PCDHA4: variants seen among roughly 807,000 people sequenced by gnomAD.
The protein encoded by PCDHA4 is protocadherin alpha 4, also known as protocadherin alpha-4.
In PCDHA4, 49 loss-of-function variants were observed where a neutral mutation model predicts 61.4. That is an observed-to-expected ratio of 0.80 (90% CI 0.63 to 1.01). The LOEUF (loss-of-function observed/expected upper bound fraction) is 1.01. PCDHA4 is among the 50% of genes least tolerant of loss of function. The probability of loss-of-function intolerance (pLI) is 0.00; values close to 1 mark genes in which losing one functional copy is unlikely to be tolerated. For synonymous variants in PCDHA4, 590 were observed against 550.3 expected (o/e 1.07, Z -1.01); for missense variants, 1,254 against 1,235.8 (o/e 1.01, Z -0.22).
chr5:140,816,342 A>C (rs1554127037), intron 1 of PCDHA4: 3 of 152,042 alleles, frequency 2.0e-5, no homozygotes, highest in Non-Finnish European at 4.4e-5. Context: ...CAGTTCCAAA[A>C]TTTCTTTTTA....
At chr5:140,934,664 T>C (rs1268113575) in intron 1 of PCDHA4, among the ~76,000 whole-genome samples, 4 of 152,176 alleles carry the variant, frequency 2.6e-5, no homozygotes, top group Non-Finnish European at 5.9e-5. Flanking sequence ...TCTTCCCCTT[T>C]GTTTAGCAGT....
In PCDHA4 at chr5:140,853,855, T is replaced by C. The variant is rs1179807632; in HGVS notation, c.2385+44283T>C. On this transcript the variant is annotated intron_variant, in intron 1 of 3. Transcript: ENST00000530339. The stretch of plus-strand genomic sequence containing the variant: ...GAAATTTTAGATCCATAGCCCTATT[T>C]GATACTTGACAGTGCAAGTTTCTGT... 3.0e-6 allele frequency: 3 copies of C among 985,756 alleles called. No homozygotes were observed. In the African/African-American group the frequency reaches 5.3e-5, roughly 17 times the overall value. 61.1% of individuals were successfully genotyped at this position (985,756 alleles called of 1,614,324 possible). A position where few individuals can be genotyped will look rare whatever the true frequency, so the allele number is the denominator to read the frequency against.
chr5:140,821,910 C>T, intron 1 of PCDHA4: 1 of 1,614,236 alleles, frequency 6.2e-7, no homozygotes, highest in East Asian at 2.2e-5. Context: ...CCTTCGTTGG[C>T]CGCATCGCGC....
At chr5:140,952,242 C>T (rs1469286013) in intron 1 of PCDHA4, among the ~76,000 whole-genome samples, 2 of 151,750 alleles carry the variant, frequency 1.3e-5, no homozygotes, top group African/African-American at 4.8e-5. Context: ...CTGCTTAGAA[C>T]TGCTGGTGGA....
chr5:140,902,548 A>G (rs1554190491), intron 1 of PCDHA4, among the ~76,000 whole-genome samples: 1 of 152,028 alleles, frequency 6.6e-6, no homozygotes, highest in East Asian at 1.9e-4. Flanking sequence ...TTCCTTCTAT[A>G]CCCAGATTTT....
intron 1 of PCDHA4, among the ~76,000 whole-genome samples, chr5:140,916,184 A>C (rs1554197322): frequency 6.6e-6 from 1 of 152,092 alleles, no homozygotes. Context: ...CTCTTCAAGG[A>C]AGTGGGCACC....
At position 140,862,652 on chromosome 5, in the gene PCDHA4, G is replaced by A. The variant is rs904797822; in HGVS notation, c.2385+53080G>A. ...TGCCACGACTTCACAGTGTCCGCGC[G>A]GGACCGGGACGCGCAGGAGAACGTG... is the stretch of plus-strand genomic sequence containing the variant. On this transcript the variant is annotated intron_variant, in intron 1 of 3. Coordinates refer to ENST00000530339, the MANE Select transcript of PCDHA4 (RefSeq NM_018907.4). The A allele has an allele frequency of 1.4e-4, 76 of 544,114 alleles. 1 individual carries two copies. The highest frequency in any genetic ancestry group is 3.8e-5 in the African/African-American group (2 of 52,208). 33.7% of individuals were successfully genotyped at this position (544,114 alleles called of 1,614,324 possible). A position where few individuals can be genotyped will look rare whatever the true frequency, so the allele number is the denominator to read the frequency against.
chr5:140,842,806 G>A (rs2150344901), intron 1 of PCDHA4: 10 of 1,594,218 alleles, frequency 6.3e-6, no homozygotes, highest in South Asian at 3.3e-5. Context: ...ACTCGCTTGT[G>A]GAGCGGCGGG....
At chr5:140,915,840 G>C (rs1554197129) in intron 1 of PCDHA4, among the ~76,000 whole-genome samples, 1 of 152,142 alleles carries the variant, frequency 6.6e-6, no homozygotes, top group African/African-American at 2.4e-5. Context: ...AGATCAGCAG[G>C]GGGTGACACC....
intron 1 of PCDHA4, among the ~76,000 whole-genome samples, chr5:140,901,194 T>A (rs562699930): frequency 2.7e-4 from 41 of 152,236 alleles, no homozygotes; most frequent in Non-Finnish European, 5.1e-4. Flanking sequence ...TGCTTTTCTG[T>A]GCAGAAGGTT....
At chr5:140,877,317 G>T (rs535177109) in intron 1 of PCDHA4, 2 of 1,614,004 alleles carry the variant, frequency 1.2e-6, no homozygotes, top group South Asian at 1.1e-5. Context: ...AACCGGCGGC[G>T]GTCGGCGCGC....
rs2150277487 is a variant in PCDHA4, at chr5:140,837,615, C to CCCTT, written c.2385+28060_2385+28063dup. On this transcript the variant is annotated intron_variant, in intron 1 of 3. Transcript: ENST00000530339. ...CCAATATATATATTTTATAATTTGC[C>CCCTT]CCTTCCTTCCTTCCTTCCTTTCTTT... Among the ~76,000 whole-genome samples the CCCTT allele has an allele frequency of 5.2e-3, 763 of 145,918 alleles. 3 individuals are homozygous for CCCTT. Among genetic ancestry groups the CCCTT allele is most frequent in the South Asian group, 0.011 (50 of 4,612 alleles).
At chr5:140,951,936 C>G (rs2153694375) in intron 1 of PCDHA4, among the ~76,000 whole-genome samples, 1 of 152,278 alleles carries the variant, frequency 6.6e-6, no homozygotes, top group Admixed American at 6.5e-5. Context: ...TCCCAAGATA[C>G]AGTGCGGGTA....
chr5:140,826,325 G>C (rs1455505548), intron 1 of PCDHA4, among the ~76,000 whole-genome samples: 1 of 151,996 alleles, frequency 6.6e-6, no homozygotes, highest in African/African-American at 2.4e-5. Context: ...GATTGTTTTT[G>C]GTTAAGAAAT....
At chr5:140,878,550 A>T (rs1483801784) in intron 1 of PCDHA4, among the ~76,000 whole-genome samples, 1 of 152,212 alleles carries the variant, frequency 6.6e-6, no homozygotes, top group African/African-American at 2.4e-5. Flanking sequence ...GTTTCAGATG[A>T]TCCCAAACTT....
intron 1 of PCDHA4, chr5:140,828,518 T>G (rs2150156316): frequency 6.2e-7 from 1 of 1,614,092 alleles, no homozygotes; most frequent in Non-Finnish European, 8.5e-7. Flanking sequence ...AGTGCTGATT[T>G]ACGAATCTAG....
intron 1 of PCDHA4, among the ~76,000 whole-genome samples, chr5:140,941,211 C>CTCT (rs2092852939): frequency 7.7e-6 from 1 of 129,628 alleles, no homozygotes; most frequent in East Asian, 2.4e-4. Context: ...TCCTTTCTTT[C>CTCT]TTCCTTTCTT....
At chr5:140,970,121 G>C (rs1230320134) in intron 1 of PCDHA4, among the ~76,000 whole-genome samples, 1 of 152,184 alleles carries the variant, frequency 6.6e-6, no homozygotes, top group Non-Finnish European at 1.5e-5. Flanking sequence ...GCTGGGATTA[G>C]AAGGAAGAGA....
At chr5:140,842,475 T>A in intron 1 of PCDHA4, 4 of 1,613,948 alleles carry the variant, frequency 2.5e-6, no homozygotes, top group Non-Finnish European at 2.5e-6. Context: ...AACGGGCAGG[T>A]GACCTGCTCC....
Sources: gnomAD v4.1 joint callset for allele counts (sites outside exome capture counted in the v4.1 genomes callset) on GRCh38, gnomAD v4.1.1 for gene constraint, MANE v1.5 for transcripts, NCBI Gene and HGNC (gene_info 2026-07-23, HGNC 2026-07-21) for gene names.